The following FRMD4A variants were observed in gnomAD, a reference collection of about 807,000 sequenced individuals.
FRMD4A encodes the protein FERM domain containing 4A, also known as FERM domain-containing protein 4A.
In FRMD4A, 29 loss-of-function variants were observed where a neutral mutation model predicts 129.1. That is an observed-to-expected ratio of 0.22 (90% CI 0.17 to 0.31). FRMD4A has a LOEUF of 0.31. Ranked by LOEUF, FRMD4A falls within the 10% of genes least tolerant of loss-of-function variation. The pLI is 1.00. For missense variants in FRMD4A, 1,272 were observed against 1,375.8 expected (o/e 0.92, Z 1.19); for synonymous variants, 634 against 571.6 (o/e 1.11, Z -1.56).
At chr10:14,197,506 G>A (rs1305589082) in intron 2 of FRMD4A, among the ~76,000 whole-genome samples, 2 of 152,026 alleles carry the variant, frequency 1.3e-5, no homozygotes, top group Non-Finnish European at 2.9e-5. Context: ...GATTACAGGC[G>A]TCCGCCATCA....
chr10:14,089,653 A>T (rs1201460902), intron 2 of FRMD4A, among the ~76,000 whole-genome samples: 1 of 151,756 alleles, frequency 6.6e-6, no homozygotes, highest in Admixed American at 6.5e-5. Flanking sequence ...ACAAAAAAAA[A>T]ACAGAAGAAA....
Position 13,810,840 on chromosome 10 carries a change from G to A in FRMD4A, c.180C>T (p.Tyr60=), listed in dbSNP as rs1474912644. 2 of 1,592,538 alleles carry A rather than the reference G, an allele frequency of 1.3e-6. No homozygotes were observed. Among genetic ancestry groups the A allele is most frequent in the Non-Finnish European group, 1.7e-6 (2 of 1,161,144 alleles). Residue 60 remains tyrosine, a synonymous_variant, in exon 4 of 25, where the codon TAC becomes TAT. Transcript: ENST00000357447. ...TTTCATCTGTGAATGCTATTCCAAAGTACTCCTTTTCCTTCAGATTGAAGT... is the reference window on the plus strand; with the variant it reads ...TTTCATCTGTGAATGCTATTCCAAAATACTCCTTTTCCTTCAGATTGAAGT... ...ASHFNLKEKE[Y]FGIAFTDETG...
At chr10:13,772,080 G>A (rs1304182277) in intron 6 of FRMD4A, among the ~76,000 whole-genome samples, 2 of 149,112 alleles carry the variant, frequency 1.3e-5, no homozygotes, top group African/African-American at 5.0e-5. Context: ...TCACGTCACC[G>A]CACTCCAGCC....
chr10:14,089,644 C>CAAAAAAAAAAAAAAAAAA (rs72412046), intron 2 of FRMD4A, among the ~76,000 whole-genome samples: 2 of 131,902 alleles, frequency 1.5e-5, no homozygotes, highest in Admixed American at 7.6e-5. Flanking sequence ...AAAAAACAAA[C>CAAAAAAAAAAAAAAAAAA]AAAAAAAAAA....
chr10:13,997,284 T>G (rs1027958061), intron 2 of FRMD4A, among the ~76,000 whole-genome samples: 1 of 152,192 alleles, frequency 6.6e-6, no homozygotes, highest in Non-Finnish European at 1.5e-5. Flanking sequence ...GGGAGAAAAC[T>G]CACTCTTGGC....
intron 2 of FRMD4A, among the ~76,000 whole-genome samples, chr10:14,168,779 T>C (rs1841323635): frequency 6.6e-6 from 1 of 152,192 alleles, no homozygotes; most frequent in Non-Finnish European, 1.5e-5. Flanking sequence ...ACTGCATACA[T>C]GTTATACAGA....
intron 2 of FRMD4A, among the ~76,000 whole-genome samples, chr10:13,946,026 G>T (rs2095328855): frequency 6.6e-6 from 1 of 152,214 alleles, no homozygotes; most frequent in African/African-American, 2.4e-5. Context: ...CCAGCACGTA[G>T]TTAGGGAAGT....
intron 6 of FRMD4A, among the ~76,000 whole-genome samples, chr10:13,782,179 C>T (rs539940156): frequency 2.5e-4 from 38 of 152,128 alleles, no homozygotes; most frequent in South Asian, 1.2e-3. Context: ...GTGACAATAG[C>T]GTCCCTTTGA....
At chr10:13,656,597 C>T in intron 22 of FRMD4A, 39 bp downstream of exon 22, 1 of 1,360,742 alleles carries the variant, frequency 7.3e-7, no homozygotes, top group Non-Finnish European at 9.5e-7. Flanking sequence ...GCAGTTCGCC[C>T]TCAGGTCTTC....
chr10:14,264,800 T>A (rs115922840), intron 2 of FRMD4A, among the ~76,000 whole-genome samples: 2,376 of 152,198 alleles, frequency 0.016, 64 homozygotes, highest in African/African-American at 0.054. Context: ...TTTTTTTTTT[T>A]AGACGAAGTC....
chr10:13,987,309 C>A (rs1015487548), intron 2 of FRMD4A, among the ~76,000 whole-genome samples: 1 of 152,080 alleles, frequency 6.6e-6, no homozygotes, highest in African/African-American at 2.4e-5. Context: ...AATGGAAAAT[C>A]GACTCTTAAG....
intron 3 of FRMD4A, among the ~76,000 whole-genome samples, chr10:13,816,229 C>G (rs550173341): frequency 2.0e-5 from 3 of 152,096 alleles, no homozygotes; most frequent in Non-Finnish European, 2.9e-5. Context: ...AAGTAAAGGC[C>G]GTGAAGAGGG....
chr10:13,755,425 A>T (rs1424028316), intron 8 of FRMD4A, among the ~76,000 whole-genome samples: 1 of 152,234 alleles, frequency 6.6e-6, no homozygotes, highest in Non-Finnish European at 1.5e-5. Flanking sequence ...TTCTTTCCAC[A>T]CTAGTGAGCA....
intron 2 of FRMD4A, among the ~76,000 whole-genome samples, chr10:13,952,944 G>T (rs1038524183): frequency 6.6e-6 from 1 of 152,014 alleles, no homozygotes; most frequent in South Asian, 2.1e-4. Flanking sequence ...TGATCCACCC[G>T]CCTCAGCCTC....
chr10:13,707,696 G>A (rs570117355), intron 12 of FRMD4A: 128 of 985,532 alleles, frequency 1.3e-4, no homozygotes, highest in Admixed American at 4.3e-4. Context: ...ACCTTATTTC[G>A]GGGGCAGGCA....
chr10:13,683,282 A>C (rs2084777115), intron 15 of FRMD4A, among the ~76,000 whole-genome samples: 1 of 152,182 alleles, frequency 6.6e-6, no homozygotes, highest in Non-Finnish European at 1.5e-5. Flanking sequence ...GGGAGGCAGA[A>C]GAGAGCAGGC....
At chr10:13,816,764 A>G (rs775872575) in intron 3 of FRMD4A, among the ~76,000 whole-genome samples, 3 of 152,180 alleles carry the variant, frequency 2.0e-5, no homozygotes, top group Non-Finnish European at 4.4e-5. Context: ...ACATTTGTGG[A>G]GCTTTGCAGG....
intron 15 of FRMD4A, chr10:13,685,699 T>G: frequency 1.1e-6 from 1 of 939,300 alleles, no homozygotes; most frequent in Non-Finnish European, 1.3e-6. Context: ...TCCTACCCAG[T>G]CAGGAGGCTG....
intron 15 of FRMD4A, 33 bp from the exon 16 acceptor site, chr10:13,675,077 T>C (rs1033766276): frequency 2.5e-6 from 4 of 1,599,154 alleles, no homozygotes; most frequent in Non-Finnish European, 3.4e-6. Context: ...CTTGGCCAGC[T>C]GACAGGGGAC....
Sources: allele counts gnomAD v4.1 joint callset (sites outside exome capture counted in the v4.1 genomes callset), GRCh38; gene constraint gnomAD v4.1.1; transcripts MANE v1.5; gene names NCBI Gene and HGNC (gene_info 2026-07-23, HGNC 2026-07-21).